Variants in KLHL32 observed in about 807,000 individuals in gnomAD.
KLHL32 encodes kelch like family member 32.
In KLHL32, 35 loss-of-function variants were observed where a neutral mutation model predicts 64.8. The observed-to-expected ratio is 0.54, with a 90% CI of 0.41 to 0.72. The LOEUF is 0.72. Among genes scored for constraint, KLHL32 ranks in the 30% least tolerant of loss-of-function variants. The probability of loss-of-function intolerance (pLI) is 0.00; values close to 1 mark genes in which losing one functional copy is unlikely to be tolerated. For synonymous variants in KLHL32, 259 were observed against 281.0 expected (o/e 0.92, Z 0.78); for missense variants, 589 against 768.5 (o/e 0.77, Z 2.76).
intron 3 of KLHL32, among the ~76,000 whole-genome samples, chr6:97,007,626 G>A (rs978367562): frequency 1.3e-5 from 2 of 152,166 alleles, no homozygotes; most frequent in Non-Finnish European, 2.9e-5. Context: ...TGTTTCTTCA[G>A]TCTTCAGGTT....
At chr6:97,085,045 A>G in intron 5 of KLHL32, 81 bp from the exon 6 acceptor site, 1 of 1,182,170 alleles carries the variant, frequency 8.5e-7, no homozygotes, top group Non-Finnish European at 1.2e-6. Flanking sequence ...AACCTTAGTG[A>G]GTCAATCTGA....
At position 97,139,223 on chromosome 6, in the gene KLHL32, T is replaced by G. The variant is rs1176917044; in HGVS notation, c.1804T>G (p.Phe602Val). The G allele has an allele frequency of 6.2e-7, 1 of 1,614,062 alleles. No individual in the cohort carries two copies. The highest frequency in any genetic ancestry group is 1.7e-5 in the Admixed American group (1 of 60,020). ...AGCATGCTTCCTTCCAGCTCCATAT[T>G]TTACATGCCCTAACCTTCAAACTCT... is the stretch of plus-strand genomic sequence containing the variant. Reference protein sequence around the residue: ...IAACFLPAPYFTCPNLQTLQV... With the variant: ...IAACFLPAPYVTCPNLQTLQV... Residue 602 changes from phenylalanine (F) to valine (V), a missense_variant, in exon 11 of 11, where the codon TTT (phenylalanine) becomes GTT (valine). Transcript: ENST00000369261.
the KLHL32 span, among the ~76,000 whole-genome samples, chr6:96,908,092 A>G: frequency 6.6e-6 from 1 of 152,230 alleles, no homozygotes. Flanking sequence ...TGTGCCTTCT[A>G]TAACAGCTAA....
chr6:96,933,857 G>A (rs1770242186), intron 1 of KLHL32, among the ~76,000 whole-genome samples: 1 of 152,200 alleles, frequency 6.6e-6, no homozygotes, highest in Non-Finnish European at 1.5e-5. Flanking sequence ...TATTGCTTCT[G>A]TGGATTACAG....
At chr6:96,976,287 A>G in intron 3 of KLHL32, 110 bp downstream of exon 3, 2 of 994,094 alleles carry the variant, frequency 2.0e-6, no homozygotes, top group Non-Finnish European at 2.9e-6. Context: ...CCAGAGCTGA[A>G]TGGTGGGGGC....
At chr6:96,921,706 G>A (rs1328434026), upstream of KLHL32, among the ~76,000 whole-genome samples, 2 of 152,300 alleles carry the variant, frequency 1.3e-5, no homozygotes, top group African/African-American at 4.8e-5. Context: ...AAAGAACTAT[G>A]ACATAGCTCT....
intron 3 of KLHL32, among the ~76,000 whole-genome samples, chr6:97,031,409 C>T (rs1783528719): frequency 6.6e-6 from 1 of 151,770 alleles, no homozygotes. Flanking sequence ...GATCATGGCT[C>T]ACTGCAGCCT....
chr6:96,986,286 G>T (rs1017759391), intron 3 of KLHL32, among the ~76,000 whole-genome samples: 5 of 151,982 alleles, frequency 3.3e-5, no homozygotes, highest in African/African-American at 9.7e-5. Context: ...GCCCCTAATG[G>T]GGGGGGCCTC....
intron 5 of KLHL32, among the ~76,000 whole-genome samples, chr6:97,080,323 T>G (rs1475979675): frequency 1.3e-5 from 2 of 152,184 alleles, no homozygotes; most frequent in African/African-American, 4.8e-5. Flanking sequence ...GGTTCAGAAT[T>G]GGATAGGCAT....
At chr6:97,100,323 C>T (rs2128195264) in intron 6 of KLHL32, among the ~76,000 whole-genome samples, 1 of 152,274 alleles carries the variant, frequency 6.6e-6, no homozygotes, top group East Asian at 1.9e-4. Context: ...TCACCTAGTA[C>T]AGGTAGTCAG....
intron 4 of KLHL32, among the ~76,000 whole-genome samples, chr6:97,045,797 T>G (rs1217997134): frequency 1.3e-5 from 2 of 152,222 alleles, no homozygotes; most frequent in Non-Finnish European, 2.9e-5. Flanking sequence ...GAAGTGAAGA[T>G]AGCAGAAAGG....
chr6:97,024,776 G>A (rs888376536), intron 3 of KLHL32, among the ~76,000 whole-genome samples: 1 of 152,014 alleles, frequency 6.6e-6, no homozygotes, highest in Admixed American at 6.6e-5. Context: ...GTATTATGAA[G>A]CTAGAAAAAT....
At chr6:96,906,937 C>T in the KLHL32 span, among the ~76,000 whole-genome samples, 8 of 152,094 alleles carry the variant, frequency 5.3e-5, no homozygotes, top group South Asian at 1.7e-3. Flanking sequence ...CCAGAGAAGG[C>T]TAAAAATATG....
At chr6:97,079,013 G>T (rs1035996950) in intron 5 of KLHL32, among the ~76,000 whole-genome samples, 4 of 152,202 alleles carry the variant, frequency 2.6e-5, no homozygotes, top group Non-Finnish European at 5.9e-5. Context: ...GCTCTTGAGC[G>T]TGACATCCCT....
chr6:97,040,226 C>A (rs963926170), intron 3 of KLHL32, among the ~76,000 whole-genome samples: 3 of 152,078 alleles, frequency 2.0e-5, no homozygotes, highest in African/African-American at 7.2e-5. Context: ...CACAAAACTT[C>A]TCTCATTATC....
At chr6:97,047,824 A>C (rs1421055833) in intron 4 of KLHL32, among the ~76,000 whole-genome samples, 1 of 152,194 alleles carries the variant, frequency 6.6e-6, no homozygotes, top group Non-Finnish European at 1.5e-5. Context: ...AGCAGAAAAC[A>C]TCAAGACCCT....
intron 6 of KLHL32, 148 bp downstream of exon 6, chr6:97,085,489 ATT>A: frequency 1.5e-6 from 1 of 686,982 alleles, no homozygotes; most frequent in Non-Finnish European, 2.5e-6. Flanking sequence ...TGGACAAGTG[ATT>A]GGAGAACACT....
intron 3 of KLHL32, among the ~76,000 whole-genome samples, chr6:97,029,744 G>T (rs1783253299): frequency 6.6e-6 from 1 of 152,168 alleles, no homozygotes; most frequent in African/African-American, 2.4e-5. Flanking sequence ...TAATTGAATG[G>T]TCTCATTAAC....
chr6:97,061,528 C>G (rs1486615426), intron 4 of KLHL32, among the ~76,000 whole-genome samples: 1 of 152,220 alleles, frequency 6.6e-6, no homozygotes, highest in Non-Finnish European at 1.5e-5. Context: ...TATTCCCACC[C>G]TGTGTGCTTT....
Sources: gnomAD v4.1 joint callset for allele counts (sites outside exome capture counted in the v4.1 genomes callset) on GRCh38, gnomAD v4.1.1 for gene constraint, MANE v1.5 for transcripts, NCBI Gene and HGNC (gene_info 2026-07-23, HGNC 2026-07-21) for gene names.